MAPK1IP1L: variants seen among roughly 807,000 people sequenced by gnomAD.
MAPK1IP1L encodes the protein mitogen-activated protein kinase 1 interacting protein 1 like.
In MAPK1IP1L, 10 loss-of-function variants were observed where a neutral mutation model predicts 18.1. That is an observed-to-expected ratio of 0.55 (90% CI 0.34 to 0.94). The LOEUF (loss-of-function observed/expected upper bound fraction) is 0.94. Ranked by LOEUF, MAPK1IP1L falls within the 40% of genes least tolerant of loss-of-function variation. The probability of loss-of-function intolerance (pLI) is 0.02; values close to 1 mark genes in which losing one functional copy is unlikely to be tolerated. For missense variants in MAPK1IP1L, 260 were observed against 318.2 expected, an observed-to-expected ratio of 0.82 and a Z score of 1.39; for synonymous variants, 115 against 117.3, an observed-to-expected ratio of 0.98 and a Z score of 0.13.
chr14:55,060,028 A>G (rs1370818106), intron 1 of MAPK1IP1L, among the ~76,000 whole-genome samples: 2 of 152,170 alleles, frequency 1.3e-5, no homozygotes, highest in African/African-American at 4.8e-5. Flanking sequence ...CTTTGTAAAT[A>G]TATCACAAAA....
chr14:55,061,473 T>C (rs1202706052), intron 1 of MAPK1IP1L, among the ~76,000 whole-genome samples: 2 of 152,230 alleles, frequency 1.3e-5, no homozygotes, highest in African/African-American at 4.8e-5. Flanking sequence ...TTGTATGATG[T>C]GCAGCCATTA....
At position 55,069,622 on chromosome 14, in the gene MAPK1IP1L, A is replaced by G. The variant is rs2042890759; in HGVS notation, c.*4995A>G. 1 of 152,384 alleles carries G rather than the reference A, an allele frequency of 6.6e-6. No homozygotes were observed. Among genetic ancestry groups the G allele is most frequent in the Admixed American group, 6.5e-5 (1 of 15,282 alleles). The allele number at this position is 152,384 out of a possible 1,614,324, so 9.4% of individuals were successfully genotyped here. On this transcript the variant is annotated 3_prime_UTR_variant, in exon 4 of 4. Transcript: ENST00000395468. ...GCAAGTCCAGAGCCTAATTAACTGT[A>G]AATTTGTTGTCAAAAAGGAAGAAAA... is the stretch of plus-strand genomic sequence containing the variant.
chr14:55,054,497 AC>A (rs2042755628), intron 1 of MAPK1IP1L, among the ~76,000 whole-genome samples: 1 of 152,130 alleles, frequency 6.6e-6, no homozygotes, highest in African/African-American at 2.4e-5. Context: ...AAACAAATCA[AC>A]CCAAAAATTT....
chr14:55,055,623 C>T (rs993190150), intron 1 of MAPK1IP1L, among the ~76,000 whole-genome samples: 1 of 152,188 alleles, frequency 6.6e-6, no homozygotes, highest in African/African-American at 2.4e-5. Flanking sequence ...TCAGAACATG[C>T]TCTTGCCCCA....
chr14:55,064,539 A>T, intron 3 of MAPK1IP1L, 77 bp from the exon 4 acceptor site: 1 of 1,265,190 alleles, frequency 7.9e-7, no homozygotes, highest in Non-Finnish European at 1.1e-6. Flanking sequence ...CAATAAATTT[A>T]CTTTAAGCCA....
intron 1 of MAPK1IP1L, among the ~76,000 whole-genome samples, chr14:55,055,301 G>A (rs773538237): frequency 6.6e-6 from 1 of 152,052 alleles, no homozygotes; most frequent in Non-Finnish European, 1.5e-5. Context: ...AACTTTTTAT[G>A]TTCTGCAACT....
In MAPK1IP1L at chr14:55,065,501, C is replaced by T. The variant is rs1172026581; in HGVS notation, c.*874C>T. 1 of 152,086 alleles carries T rather than the reference C, an allele frequency of 6.6e-6. No individual in the cohort carries two copies. The highest frequency in any genetic ancestry group is 1.5e-5 in the Non-Finnish European group (1 of 68,024). 9.4% of individuals were successfully genotyped at this position (152,086 alleles called of 1,614,324 possible). On this transcript the variant is annotated 3_prime_UTR_variant, in exon 4 of 4. Transcript: ENST00000395468. ...TAACTGCAACAAGTAATTTTCATTC[C>T]CACAAAAACCTGAGGCAGCTCTTTT...
rs1324263933 is a variant in MAPK1IP1L at position 55,068,200 on chromosome 14, G to GGTACTAT, written c.*3573_*3574insGTACTAT. The GGTACTAT allele has an allele frequency of 2.0e-5, 3 of 152,532 alleles. No homozygotes were observed. In the East Asian group the frequency reaches 5.8e-4, roughly 29 times the overall value. The allele number at this position is 152,532 out of a possible 1,614,324, so 9.4% of individuals were successfully genotyped here. The stretch of plus-strand genomic sequence containing the variant: ...TGTTTTGTGCATTTTACTGTTGGTT[G>GGTACTAT]TCTTCAGTAGAGAATAGTAATAGGG... On this transcript the variant is annotated 3_prime_UTR_variant, in exon 4 of 4. Coordinates refer to ENST00000395468, the MANE Select transcript of MAPK1IP1L (RefSeq NM_144578.4).
At chr14:55,055,195 G>A (rs1228555091) in intron 1 of MAPK1IP1L, among the ~76,000 whole-genome samples, 1 of 152,074 alleles carries the variant, frequency 6.6e-6, no homozygotes, top group Non-Finnish European at 1.5e-5. Flanking sequence ...CTTAACTACT[G>A]GCCTCAAGCG....
chr14:55,062,704 A>T lies in MAPK1IP1L; in HGVS notation c.105A>T (p.Pro35=). The T allele has an allele frequency of 6.2e-7, 1 of 1,614,176 alleles. No homozygotes were observed. Among genetic ancestry groups the T allele is most frequent in the Non-Finnish European group, 8.5e-7 (1 of 1,180,036 alleles). ...TKPGQPPQGW[P]GSNPWNNPSA... is the part of the protein sequence containing the mutation. ...CTGGCCAACCTCCTCAAGGCTGGCC[A>T]GGCTCCAACCCTTGGAATAATCCGA... The change falls in exon 3 of 4, where the codon CCA becomes CCT. Residue 35 remains proline, a synonymous_variant. Transcript: ENST00000395468.
At chr14:55,052,064 T>A (rs2042733071) in intron 1 of MAPK1IP1L, among the ~76,000 whole-genome samples, 1 of 151,926 alleles carries the variant, frequency 6.6e-6, no homozygotes, top group African/African-American at 2.4e-5. Flanking sequence ...CCCGACGGGT[T>A]TCTGGGCGCC....
chr14:55,052,440 G>T (rs1407511954), intron 1 of MAPK1IP1L, among the ~76,000 whole-genome samples: 1 of 152,194 alleles, frequency 6.6e-6, no homozygotes. Flanking sequence ...GCAGAATTCA[G>T]TGATCTCCTT....
intron 1 of MAPK1IP1L, among the ~76,000 whole-genome samples, chr14:55,056,131 TG>T (rs2042769669): frequency 6.6e-6 from 1 of 152,238 alleles, no homozygotes; most frequent in African/African-American, 2.4e-5. Context: ...CTTAGGGCTT[TG>T]TTTTTTAATC....
chr14:55,055,828 G>T (rs1165168238), intron 1 of MAPK1IP1L, among the ~76,000 whole-genome samples: 1 of 152,098 alleles, frequency 6.6e-6, no homozygotes. Flanking sequence ...TACTTGAGAG[G>T]CTCAGGTAGG....
chr14:55,052,395 C>T (rs558514735), intron 1 of MAPK1IP1L, among the ~76,000 whole-genome samples: 1 of 152,316 alleles, frequency 6.6e-6, no homozygotes, highest in Admixed American at 6.5e-5. Flanking sequence ...CTCACGGATA[C>T]ATTAGATGAA....
chr14:55,051,741 A>G lies in MAPK1IP1L; in HGVS notation c.-67A>G. 1.9e-6 allele frequency: 1 copy of G among 516,062 alleles called. No individual in the cohort carries two copies. The allele number at this position is 516,062 out of a possible 1,614,324, so 32.0% of individuals were successfully genotyped here. On this transcript the variant is annotated 5_prime_UTR_variant, in exon 1 of 4. Transcript: ENST00000395468. ...TCAGTCAGGCTGCGCCCGCGTCTTC[A>G]GGGCCCAGTCCCTCGGACCCATCGC... is the stretch of plus-strand genomic sequence containing the variant.
chr14:55,052,403 G>A (rs2042737499), intron 1 of MAPK1IP1L, among the ~76,000 whole-genome samples: 1 of 152,180 alleles, frequency 6.6e-6, no homozygotes, highest in Admixed American at 6.5e-5. Flanking sequence ...TACATTAGAT[G>A]AATACCCAGG....
chr14:55,058,204 G>C (rs969794422), intron 1 of MAPK1IP1L, among the ~76,000 whole-genome samples: 1 of 152,190 alleles, frequency 6.6e-6, no homozygotes, highest in African/African-American at 2.4e-5. Flanking sequence ...ACTTGGAGAA[G>C]ACCCATAAAG....
At chr14:55,062,507 C>T in intron 2 of MAPK1IP1L, 111 bp from the exon 3 acceptor site, 2 of 836,244 alleles carry the variant, frequency 2.4e-6, no homozygotes, top group Non-Finnish European at 3.7e-6. Flanking sequence ...TGAAGATATT[C>T]TTGAGGTTTA....
Sources: allele counts gnomAD v4.1 joint callset (sites outside exome capture counted in the v4.1 genomes callset), GRCh38; gene constraint gnomAD v4.1.1; transcripts MANE v1.5; gene names NCBI Gene and HGNC (gene_info 2026-07-23, HGNC 2026-07-21).